The following RASGRF1 variants were observed in gnomAD, a reference collection of about 807,000 sequenced individuals.
RASGRF1 encodes the protein Ras protein specific guanine nucleotide releasing factor 1.
Under a neutral mutation model 138.7 loss-of-function variants are expected in RASGRF1, and 40 were observed. The ratio of observed to expected loss-of-function variants is 0.29; its 90% CI spans 0.22 to 0.38. RASGRF1 has a LOEUF of 0.38. Among genes scored for constraint, RASGRF1 ranks in the 10% least tolerant of loss-of-function variants. RASGRF1 has a pLI of 1.00. For missense variants in RASGRF1, 1,108 were observed against 1,650.4 expected (o/e 0.67, Z 5.69); for synonymous variants, 614 against 663.2 (o/e 0.93, Z 1.14).
intron 3 of RASGRF1, 41 bp from the exon 4 acceptor site, chr15:79,049,629 T>C (rs1235968175): frequency 6.4e-6 from 10 of 1,562,558 alleles, no homozygotes; most frequent in African/African-American, 4.1e-5. Flanking sequence ...GGGCGCTGGC[T>C]CACAGAGGCC....
intron 19 of RASGRF1, among the ~76,000 whole-genome samples, chr15:78,997,549 A>G (rs2141681508): frequency 1.3e-5 from 2 of 152,202 alleles, no homozygotes; most frequent in South Asian, 4.2e-4. Context: ...CCTGGCCAAC[A>G]TGGTGAAACC....
Position 79,006,196 on chromosome 15 carries a change from T to C in RASGRF1, c.2065A>G (p.Ile689Val), listed in dbSNP as rs1206526951. 1 of 1,614,072 alleles carries C rather than the reference T, an allele frequency of 6.2e-7. No homozygotes were observed. Among genetic ancestry groups the C allele is most frequent in the African/African-American group, 1.3e-5 (1 of 74,930 alleles). ...GGGCACCTCAGCCACCTGGCAGGAA[T>C]GGCACTGATAGGCTTCTTGTAGATG... ...ITIYKKPISAIPARSLELLFA... is the reference protein window; with the variant it reads ...ITIYKKPISAVPARSLELLFA... Residue 689 changes from isoleucine to valine, a missense_variant, in exon 14 of 27, where the codon ATT (isoleucine) becomes GTT (valine). Physicochemically the swap from Ile to Val is conservative, Grantham distance 29. This residue lies in a region of RASGRF1 where 686 missense variants were observed against 976.7 expected (regional missense o/e 0.70). Coordinates refer to ENST00000558480, the MANE Select transcript of RASGRF1 (RefSeq NM_001145648.3). This position sits in a 1 kb window ranked among gnomAD's most constrained non-coding sequence, Gnocchi z 4.0.
intron 5 of RASGRF1, among the ~76,000 whole-genome samples, chr15:79,043,435 G>A (rs773536673): frequency 3.9e-5 from 6 of 152,098 alleles, no homozygotes; most frequent in South Asian, 2.1e-4. Flanking sequence ...CCTGGGCTAC[G>A]CTGGGCTCTG....
chr15:79,020,898 C>A (rs2056951522), intron 10 of RASGRF1, among the ~76,000 whole-genome samples: 1 of 152,194 alleles, frequency 6.6e-6, no homozygotes, highest in African/African-American at 2.4e-5. Flanking sequence ...AAGAATAAAT[C>A]AGAAGTGATG....
At chr15:78,979,416 C>T (rs111541671) in intron 24 of RASGRF1, 16 of 218,552 alleles carry the variant, frequency 7.3e-5, no homozygotes, top group African/African-American at 3.2e-4. Context: ...GTGTTCCCTG[C>T]GTCAGCCGTG....
chr15:79,051,196 C>T (rs2057425908), intron 3 of RASGRF1, among the ~76,000 whole-genome samples: 1 of 152,176 alleles, frequency 6.6e-6, no homozygotes, highest in African/African-American at 2.4e-5. Context: ...TGCTGAACCA[C>T]AGGATGAATG....
chr15:78,966,930 G>A (rs1333380337), intron 26 of RASGRF1, among the ~76,000 whole-genome samples: 1 of 152,004 alleles, frequency 6.6e-6, no homozygotes, highest in Admixed American at 6.6e-5. Context: ...ATTACATGCT[G>A]AACTGACAAT....
In RASGRF1 at chr15:78,967,166, C is replaced by T. The variant is rs141172626; in HGVS notation, c.3681+4700G>A. 3.6e-3 allele frequency among the ~76,000 whole-genome samples: 547 copies of T among 151,874 alleles called. 1 individual carries two copies. Among genetic ancestry groups the T allele is most frequent in the Middle Eastern group, 0.031 (9 of 294 alleles). ...AGCTGGGTGTGGTCATACCTTAAGC[C>T]GGGGAAGTTGAGGTTGCAGTGAGCT... On this transcript the variant is annotated intron_variant, in intron 26 of 26. Transcript: ENST00000558480.
At position 78,995,826 on chromosome 15, in the gene RASGRF1, G is replaced by A. The variant is rs560005420; in HGVS notation, c.2967-26C>T. The A allele has an allele frequency of 2.7e-5, 43 of 1,613,502 alleles. No individual in the cohort carries two copies. In the South Asian group the frequency reaches 4.3e-4, roughly 16 times the overall value. ...CTAGGCAGGAGCGAGAAGGCACGGT[G>A]AGCCCCACTTCACGTTGCAGCAGCC... On this transcript the variant is annotated intron_variant, in intron 19 of 26. Coordinates refer to ENST00000558480, the MANE Select transcript of RASGRF1 (RefSeq NM_001145648.3).
Position 79,003,892 on chromosome 15 carries a change from A to G in RASGRF1, c.2359T>C (p.Tyr787His), listed in dbSNP as rs746584711. 35 of 1,614,008 alleles carry G rather than the reference A, an allele frequency of 2.2e-5. No individual in the cohort carries two copies. In the South Asian group the frequency reaches 3.7e-4, roughly 17 times the overall value. Reference protein sequence around the residue: ...SKATLDTSKLYVSSSFTNKIP... With the variant: ...SKATLDTSKLHVSSSFTNKIP... ...TTGTTGGTGAAGCTGCTGGACACATAGAGCTTGCTGGTGTCCAGCGTGGCC... is the reference window on the plus strand; with the variant it reads ...TTGTTGGTGAAGCTGCTGGACACATGGAGCTTGCTGGTGTCCAGCGTGGCC... Residue 787 changes from tyrosine (Y) to histidine (H), a missense_variant, in exon 15 of 27, where the codon TAT (tyrosine) becomes CAT (histidine). By Grantham distance (83) the Tyr-to-His change is moderately conservative. Transcript: ENST00000558480.
intron 24 of RASGRF1, chr15:78,978,407 T>C (rs1018333291): frequency 1.6e-6 from 1 of 612,290 alleles, no homozygotes; most frequent in Non-Finnish European, 2.0e-6. Context: ...GTATTTTCAG[T>C]AGAGACAGGG....
chr15:79,039,296 CAAAAAAA>C (rs71148587), intron 5 of RASGRF1, among the ~76,000 whole-genome samples: 28 of 50,408 alleles, frequency 5.6e-4, no homozygotes, highest in South Asian at 1.9e-3. Flanking sequence ...GACCCTGTCT[CAAAAAAA>C]AAAAAAAAAA....
At chr15:78,984,776 G>A in intron 23 of RASGRF1, 1 of 571,310 alleles carries the variant, frequency 1.8e-6, no homozygotes. Flanking sequence ...TCCACTTTGA[G>A]GTATTAATTA....
At chr15:79,056,729 T>C (rs2057516289) in intron 3 of RASGRF1, among the ~76,000 whole-genome samples, 1 of 152,204 alleles carries the variant, frequency 6.6e-6, no homozygotes, top group Non-Finnish European at 1.5e-5. Context: ...TGCAAGTTGA[T>C]ATTACTCTTA....
intron 10 of RASGRF1, among the ~76,000 whole-genome samples, chr15:79,020,367 T>C (rs893477636): frequency 2.0e-5 from 3 of 152,340 alleles, no homozygotes; most frequent in Admixed American, 1.3e-4. Context: ...GTTCTGGCCA[T>C]GGGTGGAGCG....
intron 2 of RASGRF1, among the ~76,000 whole-genome samples, chr15:79,061,685 T>C (rs1361421373): frequency 6.6e-6 from 1 of 152,172 alleles, no homozygotes. Flanking sequence ...ATGTACTATT[T>C]TGTGTCTGGC....
intron 24 of RASGRF1, chr15:78,978,529 T>C (rs1050660905): frequency 1.0e-6 from 1 of 985,906 alleles, no homozygotes; most frequent in Non-Finnish European, 1.2e-6. Context: ...CTAGCCCGAA[T>C]TGGATATCTT....
intron 1 of RASGRF1, among the ~76,000 whole-genome samples, chr15:79,079,076 G>A (rs999868516): frequency 1.3e-5 from 2 of 152,214 alleles, no homozygotes; most frequent in African/African-American, 2.4e-5. Flanking sequence ...CCAAGGCCTG[G>A]GGGCCCATGT....
chr15:79,085,239 T>C (rs1166010773), intron 1 of RASGRF1, among the ~76,000 whole-genome samples: 1 of 152,092 alleles, frequency 6.6e-6, no homozygotes, highest in Admixed American at 6.5e-5. Context: ...AAGGGCATGG[T>C]TGGTGGGAGA....
Sources: gnomAD v4.1 joint callset for allele counts (sites outside exome capture counted in the v4.1 genomes callset) on GRCh38, gnomAD v4.1.1 for gene constraint, gnomAD v4.1.1 regional missense constraint, Gnocchi (gnomAD v3.1) non-coding constraint, MANE v1.5 for transcripts, NCBI Gene and HGNC (gene_info 2026-07-23, HGNC 2026-07-21) for gene names.